The following SRP68 variants were observed in gnomAD, a reference collection of about 807,000 sequenced individuals.
SRP68 encodes the protein signal recognition particle subunit SRP68.
In SRP68, 15 loss-of-function variants were observed where a neutral mutation model predicts 82.2. The ratio of observed to expected loss-of-function variants is 0.18; its 90% CI spans 0.12 to 0.28. SRP68 has a LOEUF of 0.28. Ranked by LOEUF, SRP68 falls within the 10% of genes least tolerant of loss-of-function variation. The pLI is 1.00. For synonymous variants in SRP68, 261 were observed against 292.6 expected, an observed-to-expected ratio of 0.89 and a Z score of 1.10; for missense variants, 595 against 780.5, an observed-to-expected ratio of 0.76 and a Z score of 2.83.
intron 2 of SRP68, among the ~76,000 whole-genome samples, chr17:76,069,319 C>T (rs910332087): frequency 1.3e-5 from 2 of 151,366 alleles, no homozygotes; most frequent in Non-Finnish European, 1.5e-5. Context: ...ACCCGGAAGG[C>T]GGAGGTTGCA....
At chr17:76,068,336 A>G (rs1480421125) in intron 2 of SRP68, among the ~76,000 whole-genome samples, 2 of 151,802 alleles carry the variant, frequency 1.3e-5, no homozygotes, top group Non-Finnish European at 2.9e-5. Flanking sequence ...GGGCGCCTAT[A>G]ATTCTAGCTA....
At chr17:76,066,818 C>T (rs2066810673) in intron 3 of SRP68, among the ~76,000 whole-genome samples, 1 of 151,688 alleles carries the variant, frequency 6.6e-6, no homozygotes, top group Non-Finnish European at 1.5e-5. Context: ...ACCTCTGCCT[C>T]CCGGGTTCAA....
chr17:76,059,088 A>C (rs765392192), intron 7 of SRP68, among the ~76,000 whole-genome samples: 22 of 152,072 alleles, frequency 1.4e-4, no homozygotes, highest in Non-Finnish European at 2.5e-4. Context: ...TCTACCAAAA[A>C]ACAAAAAAAA....
chr17:76,062,615 A>ATATACATTGTATAT lies in SRP68; in HGVS notation c.562-1042_562-1041insATATACAATGTATA, dbSNP rs2066766457. 4.8e-5 allele frequency among the ~76,000 whole-genome samples: 2 copies of ATATACATTGTATAT among 41,526 alleles called. 1 individual carries two copies. Among genetic ancestry groups the ATATACATTGTATAT allele is most frequent in the African/African-American group, 2.6e-4 (2 of 7,660 alleles). 27.2% of individuals were successfully genotyped at this position (41,526 alleles called of 152,430 possible). On this transcript the variant is annotated intron_variant, in intron 4 of 15. Transcript: ENST00000307877. ...TATAATATACATTATATATTATATA[A>ATATACATTGTATAT]TATATAATATACATTATATATTATA...
In SRP68 at chr17:76,061,103, C is replaced by T. The variant is rs765340227; in HGVS notation, c.754+7G>A. On this transcript the variant is annotated splice_region_variant and intron_variant, in intron 6 of 15. Transcript: ENST00000307877. Reference sequence around the variant, plus strand: ...GTTGAGTATAATGCCTTGATCCCTGCTCTCACCAATATTATATGCACAATA... The same window carrying T: ...GTTGAGTATAATGCCTTGATCCCTGTTCTCACCAATATTATATGCACAATA... The T allele has an allele frequency of 2.5e-6, 4 of 1,573,568 alleles. No individual in the cohort carries two copies. The highest frequency in any genetic ancestry group is 3.5e-6 in the Non-Finnish European group (4 of 1,143,238).
At chr17:76,060,441 G>C (rs1391961613) in intron 6 of SRP68, 51 bp from the exon 7 acceptor site, 4 of 1,368,640 alleles carry the variant, frequency 2.9e-6, no homozygotes, top group African/African-American at 2.9e-5. Context: ...GTTTTCTTGA[G>C]AATCACTAGA....
chr17:76,043,777 C>A, intron 13 of SRP68, 52 bp downstream of exon 13: 1 of 1,528,746 alleles, frequency 6.5e-7, no homozygotes. Context: ...TCCTCCACAG[C>A]TGACTCCATA....
chr17:76,066,055 A>AC (rs1168924729), intron 3 of SRP68, among the ~76,000 whole-genome samples: 1 of 151,932 alleles, frequency 6.6e-6, no homozygotes, highest in Non-Finnish European at 1.5e-5. Flanking sequence ...TGTGAGGAAG[A>AC]CCCGGGGGCC....
intron 8 of SRP68, chr17:76,053,725 A>G (rs2066692739): frequency 1.2e-6 from 1 of 841,186 alleles, no homozygotes; most frequent in Non-Finnish European, 1.4e-6. Context: ...GACTCAGACC[A>G]CTAATCTCTG....
intron 13 of SRP68, 84 bp from the exon 14 acceptor site, chr17:76,041,062 C>G: frequency 9.6e-7 from 1 of 1,038,966 alleles, no homozygotes; most frequent in Non-Finnish European, 1.5e-6. Flanking sequence ...ACCGACCCCA[C>G]TGGTATTTTC....
chr17:76,060,776 G>A lies in SRP68; in HGVS notation c.754+334C>T, dbSNP rs185534943. On this transcript the variant is annotated intron_variant, in intron 6 of 15. Transcript: ENST00000307877. ...AGAGAGGCTATGGATGTGGGGAGGT[G>A]GGGTTACATGGATCTCTGTATCTTT... The A allele has an allele frequency of 2.8e-4, 96 of 339,402 alleles. No homozygotes were observed. In the East Asian group the frequency reaches 4.5e-3, roughly 16 times the overall value. The allele number at this position is 339,402 out of a possible 1,614,324, so 21.0% of individuals were successfully genotyped here. A position where few individuals can be genotyped will look rare whatever the true frequency, so the allele number is the denominator to read the frequency against.
In SRP68 at chr17:76,057,542, G is replaced by T. The variant is rs1286981207; in HGVS notation, c.839C>A (p.Ala280Asp). Residue 280 changes from alanine (A) to aspartate (D), a missense_variant and splice_region_variant, in exon 8 of 16, where the codon GCT (alanine) becomes GAT (aspartate). Physicochemically the swap from Ala to Asp is moderately radical, Grantham distance 126. Around this residue, in one of 2 missense-constraint regions of SRP68, gnomAD observed 495 missense variants for 688.6 expected, o/e 0.72. Transcript: ENST00000307877. The stretch of plus-strand genomic sequence containing the variant: ...TTTGGCTCGAGTCTGAGTGATCAAA[G>T]CCTGAAAAATAGTTTAAAAAAGTTA... ...TEGLLAEKLE[A>D]LITQTRAKQA... The T allele has an allele frequency of 6.2e-7, 1 of 1,614,044 alleles. No individual in the cohort carries two copies. Among genetic ancestry groups the T allele is most frequent in the Non-Finnish European group, 8.5e-7 (1 of 1,179,968 alleles).
chr17:76,066,028 G>A (rs542434078), intron 3 of SRP68, among the ~76,000 whole-genome samples: 4 of 151,886 alleles, frequency 2.6e-5, no homozygotes, highest in South Asian at 2.1e-4. Context: ...TGGCAGCAGC[G>A]TAATTTGGCC....
intron 11 of SRP68, among the ~76,000 whole-genome samples, chr17:76,045,755 A>G (rs1465578299): frequency 6.6e-6 from 1 of 152,104 alleles, no homozygotes; most frequent in East Asian, 1.9e-4. Flanking sequence ...CTGGGGGCCG[A>G]GATGGCATGG....
intron 11 of SRP68, 44 bp from the exon 12 acceptor site, chr17:76,045,430 T>C (rs770505858): frequency 6.8e-7 from 1 of 1,464,008 alleles, no homozygotes. Context: ...GAGTAGATCT[T>C]AGGTTGAATT....
intron 8 of SRP68, among the ~76,000 whole-genome samples, chr17:76,054,321 C>G (rs911835197): frequency 1.1e-4 from 17 of 152,232 alleles, no homozygotes; most frequent in African/African-American, 4.1e-4. Flanking sequence ...AAGAGACACA[C>G]AAGGCAAGTC....
rs539470676 is a variant in SRP68 at position 76,061,117 on chromosome 17, A to G, written c.747T>C (p.Tyr249=). The G allele has an allele frequency of 2.5e-6, 4 of 1,602,314 alleles. No homozygotes were observed. In the Admixed American group the frequency reaches 6.7e-5, roughly 27 times the overall value. ...CTTGATCCCTGCTCTCACCAATATT[A>G]TATGCACAATAGCGGATGTTGGGTG... is the stretch of plus-strand genomic sequence containing the variant. ...EISPNIRYCA[Y]NIGDQSAINE... Residue 249 remains tyrosine (Y), a synonymous_variant, in exon 6 of 16, where the codon TAT becomes TAC. Transcript: ENST00000307877.
At chr17:76,042,557 T>G (rs1472236865) in intron 13 of SRP68, among the ~76,000 whole-genome samples, 1 of 140,146 alleles carries the variant, frequency 7.1e-6, no homozygotes, top group Non-Finnish European at 1.6e-5. Context: ...AAAAAAAAAG[T>G]AAAGCAAAGA....
At chr17:76,062,937 A>AT (rs1212045325) in intron 4 of SRP68, among the ~76,000 whole-genome samples, 5 of 148,006 alleles carry the variant, frequency 3.4e-5, no homozygotes, top group Admixed American at 7.0e-5. Context: ...CGCCCAGCTA[A>AT]TTTTTTGTAT....
Sources: allele counts gnomAD v4.1 joint callset (sites outside exome capture counted in the v4.1 genomes callset), GRCh38; gene constraint gnomAD v4.1.1; regional missense constraint gnomAD v4.1.1; transcripts MANE v1.5; gene names NCBI Gene and HGNC (gene_info 2026-07-23, HGNC 2026-07-21).